CDK14: variants seen among roughly 807,000 people sequenced by gnomAD.
The protein encoded by CDK14 is cyclin dependent kinase 14, also known as cyclin-dependent kinase 14.
Under a neutral mutation model 60.7 loss-of-function variants are expected in CDK14, and 34 were observed. The ratio of observed to expected loss-of-function variants is 0.56; its 90% CI spans 0.43 to 0.75. CDK14 has a LOEUF of 0.75. Among genes scored for constraint, CDK14 ranks in the 30% least tolerant of loss-of-function variants. The pLI is 0.00. For missense variants in CDK14, 482 were observed against 564.1 expected (o/e 0.85, Z 1.47); for synonymous variants, 197 against 203.7 (o/e 0.97, Z 0.28).
rs138794733 is a variant in CDK14, at chr7:91,063,217, G to A, written c.1106-16215G>A. 2.3e-3 allele frequency among the ~76,000 whole-genome samples: 357 copies of A among 152,136 alleles called. 1 individual carries two copies. Among genetic ancestry groups the A allele is most frequent in the African/African-American group, 7.8e-3 (322 of 41,488 alleles). ...TTTTGCTGTTTAAAAAATCCTTTTA[G>A]GCCATTATCACATAGCTCCTTCAAG... On this transcript the variant is annotated intron_variant, in intron 11 of 14. Transcript: ENST00000380050.
chr7:90,903,456 C>T (rs137960344), intron 7 of CDK14, among the ~76,000 whole-genome samples: 177 of 152,078 alleles, frequency 1.2e-3, no homozygotes, highest in African/African-American at 3.8e-3. Context: ...GTGAAATAAG[C>T]CCCTCACAGA....
chr7:90,632,237 AGAAGAACCACTGGGTGTCCAG>A (rs1800018814), intron 2 of CDK14: 1 of 212,094 alleles, frequency 4.7e-6, no homozygotes, highest in Non-Finnish European at 9.8e-6. Flanking sequence ...GATGAAGATG[AGAAGAACCACTGGGTGTCCAG>A]GAAGAGCCAC....
chr7:90,717,889 G>T (rs773968416), intron 2 of CDK14, among the ~76,000 whole-genome samples: 2 of 152,020 alleles, frequency 1.3e-5, no homozygotes, highest in African/African-American at 2.4e-5. Context: ...TCTGGTCATG[G>T]AAATACAAAC....
intron 3 of CDK14, among the ~76,000 whole-genome samples, chr7:90,733,143 T>C (rs562140618): frequency 2.0e-5 from 3 of 152,294 alleles, no homozygotes; most frequent in East Asian, 1.9e-4. Flanking sequence ...CATGTACTTA[T>C]GTGGTTTTGA....
At chr7:91,049,169 G>A (rs1022734053) in intron 11 of CDK14, among the ~76,000 whole-genome samples, 12 of 151,746 alleles carry the variant, frequency 7.9e-5, no homozygotes, top group South Asian at 4.2e-4. Flanking sequence ...GGCGTGAGCC[G>A]CCATGCCTGG....
At chr7:90,991,199 G>A (rs955380703) in intron 10 of CDK14, among the ~76,000 whole-genome samples, 2 of 152,132 alleles carry the variant, frequency 1.3e-5, no homozygotes, top group Non-Finnish European at 2.9e-5. Context: ...CAAGGTACTG[G>A]ACTTTATGTG....
At chr7:91,144,276 A>T (rs1800555141) in intron 14 of CDK14, among the ~76,000 whole-genome samples, 2 of 152,222 alleles carry the variant, frequency 1.3e-5, no homozygotes, top group African/African-American at 4.8e-5. Flanking sequence ...CTTTAGAATC[A>T]TGTTGGTTTT....
intron 2 of CDK14, among the ~76,000 whole-genome samples, chr7:90,613,213 G>A (rs1799579110): frequency 6.6e-6 from 1 of 152,184 alleles, no homozygotes; most frequent in South Asian, 2.1e-4. Context: ...ACATTTGGGA[G>A]AATTAGTCAC....
chr7:90,919,415 T>A (rs1793176354), intron 8 of CDK14, among the ~76,000 whole-genome samples: 2 of 152,156 alleles, frequency 1.3e-5, no homozygotes, highest in East Asian at 3.9e-4. Context: ...TTCTTATGGA[T>A]CTTTACTTTA....
At chr7:91,049,519 A>C (rs181301333) in intron 11 of CDK14, among the ~76,000 whole-genome samples, 1 of 152,282 alleles carries the variant, frequency 6.6e-6, no homozygotes, top group African/African-American at 2.4e-5. Flanking sequence ...ACTGTGCCTG[A>C]CCACAATTTT....
At chr7:90,637,814 G>A (rs1215589735) in intron 2 of CDK14, among the ~76,000 whole-genome samples, 81 of 141,786 alleles carry the variant, frequency 5.7e-4, no homozygotes, top group African/African-American at 1.9e-3. Context: ...GAATCTGGGT[G>A]CTCCTGTATT....
intron 14 of CDK14, among the ~76,000 whole-genome samples, chr7:91,140,265 G>A (rs1452554920): frequency 1.3e-5 from 2 of 152,154 alleles, no homozygotes; most frequent in Non-Finnish European, 2.9e-5. Flanking sequence ...CCCTAAAAGT[G>A]CATTTTACAT....
chr7:90,834,188 A>G (rs1479366038), intron 5 of CDK14, among the ~76,000 whole-genome samples: 1 of 152,230 alleles, frequency 6.6e-6, no homozygotes, highest in African/African-American at 2.4e-5. Flanking sequence ...CGAGGAAATT[A>G]TGTCTCTACT....
intron 8 of CDK14, among the ~76,000 whole-genome samples, chr7:90,945,698 G>T (rs572841645): frequency 2.6e-5 from 4 of 152,302 alleles, no homozygotes; most frequent in Middle Eastern, 3.4e-3. Flanking sequence ...CAAGGACTTT[G>T]TAATTACACG....
At chr7:90,750,229 A>G (rs1319478715) in intron 4 of CDK14, among the ~76,000 whole-genome samples, 1 of 151,908 alleles carries the variant, frequency 6.6e-6, no homozygotes, top group Non-Finnish European at 1.5e-5. Flanking sequence ...AAGAAAAAGA[A>G]AAAATGCAAT....
chr7:90,916,495 C>A (rs953125237), intron 7 of CDK14, among the ~76,000 whole-genome samples: 2 of 152,142 alleles, frequency 1.3e-5, no homozygotes, highest in African/African-American at 2.4e-5. Flanking sequence ...GCTTTCAAAG[C>A]CCCTGCTTAG....
rs543626028 is a variant in CDK14, at chr7:90,957,426, A to G, written c.947+1609A>G. 3.0e-4 allele frequency among the ~76,000 whole-genome samples: 45 copies of G among 152,322 alleles called. 1 individual carries two copies. Among genetic ancestry groups the G allele is most frequent in the East Asian group, 1.2e-3 (6 of 5,184 alleles). The stretch of plus-strand genomic sequence containing the variant: ...GAAGTCAAATTGTCCCTGTTTGCAG[A>G]CGACATGATTATATATCTAGAAAAC... On this transcript the variant is annotated intron_variant, in intron 9 of 14. Transcript: ENST00000380050.
chr7:91,105,093 A>G (rs1799248811), intron 12 of CDK14, among the ~76,000 whole-genome samples: 1 of 152,232 alleles, frequency 6.6e-6, no homozygotes, highest in African/African-American at 2.4e-5. Context: ...GTGATTTCAG[A>G]TGCGCAGCTG....
chr7:90,814,591 G>T (rs773417272), intron 5 of CDK14, among the ~76,000 whole-genome samples: 11 of 152,116 alleles, frequency 7.2e-5, no homozygotes, highest in Non-Finnish European at 1.0e-4. Context: ...AGACCAGCCT[G>T]GCCAACATGG....
Sources: allele counts gnomAD v4.1 joint callset (sites outside exome capture counted in the v4.1 genomes callset), GRCh38; gene constraint gnomAD v4.1.1; transcripts MANE v1.5; gene names NCBI Gene and HGNC (gene_info 2026-07-23, HGNC 2026-07-21).